BNC2: variants seen among roughly 807,000 people sequenced by gnomAD.
BNC2 encodes the protein zinc finger protein basonuclin-2.
In BNC2, 20 loss-of-function variants were observed where a neutral mutation model predicts 76.3. That is an observed-to-expected ratio of 0.26 (90% CI 0.18 to 0.38). The LOEUF (loss-of-function observed/expected upper bound fraction) is 0.38, where lower values mean the gene tolerates loss of function less well. Among genes scored for constraint, BNC2 ranks in the 10% least tolerant of loss-of-function variants. The pLI is 1.00. For synonymous variants in BNC2, 582 were observed against 514.8 expected (o/e 1.13, Z -1.77); for missense variants, 1,382 against 1,399.8 (o/e 0.99, Z 0.20).
intron 3 of BNC2, among the ~76,000 whole-genome samples, chr9:16,590,561 T>C: frequency 6.6e-6 from 1 of 151,722 alleles, no homozygotes; most frequent in East Asian, 2.0e-4. Context: ...ATGCCTGTAA[T>C]CTCAGCAATT....
intron 5 of BNC2, among the ~76,000 whole-genome samples, chr9:16,503,265 G>C (rs1822558809): frequency 6.6e-6 from 1 of 152,094 alleles, no homozygotes; most frequent in African/African-American, 2.4e-5. Context: ...GTATAGCCAA[G>C]AACGAGGATA....
At chr9:16,606,000 T>C (rs1820373598) in intron 3 of BNC2, among the ~76,000 whole-genome samples, 1 of 152,010 alleles carries the variant, frequency 6.6e-6, no homozygotes, top group Non-Finnish European at 1.5e-5. Flanking sequence ...CACCTTGGCC[T>C]CCCAAAGTGC....
At chr9:16,596,975 T>C (rs1309680384) in intron 3 of BNC2, among the ~76,000 whole-genome samples, 1 of 152,174 alleles carries the variant, frequency 6.6e-6, no homozygotes, top group Admixed American at 6.6e-5. Context: ...AAATGTGATC[T>C]ATCACCTCTC....
intron 3 of BNC2, among the ~76,000 whole-genome samples, chr9:16,648,796 G>A (rs1375672478): frequency 6.6e-6 from 1 of 152,118 alleles, no homozygotes; most frequent in Non-Finnish European, 1.5e-5. Flanking sequence ...AATTAACACA[G>A]CTTACTTAAC....
chr9:16,757,356 C>G (rs972619037), intron 1 of BNC2, among the ~76,000 whole-genome samples: 1 of 152,178 alleles, frequency 6.6e-6, no homozygotes, highest in East Asian at 1.9e-4. Context: ...TCTGAAGAAT[C>G]AGAACTCCCC....
At chr9:16,746,963 A>G (rs1472818068) in intron 1 of BNC2, among the ~76,000 whole-genome samples, 1 of 149,832 alleles carries the variant, frequency 6.7e-6, no homozygotes, top group East Asian at 2.0e-4. Context: ...CTCCATCTCA[A>G]AAAAAAAAAA....
intron 1 of BNC2, among the ~76,000 whole-genome samples, chr9:16,778,754 T>G (rs566402267): frequency 1.2e-4 from 18 of 152,228 alleles, no homozygotes; most frequent in African/African-American, 4.3e-4. Flanking sequence ...TGGTATAAGC[T>G]GAAATCTCAG....
chr9:16,433,219 C>T (rs927900778), intron 6 of BNC2, among the ~76,000 whole-genome samples: 25 of 152,110 alleles, frequency 1.6e-4, no homozygotes, highest in African/African-American at 5.6e-4. Context: ...TTGTGTGTTT[C>T]TAACCTAAGA....
intron 5 of BNC2, among the ~76,000 whole-genome samples, chr9:16,533,720 C>T (rs1818049908): frequency 1.3e-5 from 2 of 152,140 alleles, no homozygotes; most frequent in South Asian, 4.1e-4. Context: ...TTCAACATTA[C>T]TGCTATTTGT....
At chr9:16,665,951 G>T (rs1431283021) in intron 3 of BNC2, among the ~76,000 whole-genome samples, 1 of 151,890 alleles carries the variant, frequency 6.6e-6, no homozygotes. Context: ...GGACTTCCAG[G>T]ATTAAAAATA....
chr9:16,737,675 G>T (rs1369610567), intron 2 of BNC2, among the ~76,000 whole-genome samples: 1 of 151,798 alleles, frequency 6.6e-6, no homozygotes. Flanking sequence ...ATCGAAAAAT[G>T]TTGAAACAGA....
chr9:16,765,953 A>G (rs1825680093), intron 1 of BNC2, among the ~76,000 whole-genome samples: 1 of 151,698 alleles, frequency 6.6e-6, no homozygotes, highest in African/African-American at 2.4e-5. Flanking sequence ...CGCCTGGCTA[A>G]TTTTTTTGTA....
At chr9:16,610,856 TTTTAA>T (rs1820525462) in intron 3 of BNC2, among the ~76,000 whole-genome samples, 1 of 152,204 alleles carries the variant, frequency 6.6e-6, no homozygotes, top group Non-Finnish European at 1.5e-5. Flanking sequence ...TAAAAGAGTT[TTTTAA>T]TTTGTCATGA....
intron 2 of BNC2, among the ~76,000 whole-genome samples, chr9:16,728,641 G>A (rs987969081): frequency 1.3e-5 from 2 of 151,322 alleles, no homozygotes; most frequent in Non-Finnish European, 2.9e-5. Context: ...AAGTCATCTC[G>A]TATGTGCTGG....
At chr9:16,733,310 T>C (rs576679187) in intron 2 of BNC2, among the ~76,000 whole-genome samples, 1 of 152,312 alleles carries the variant, frequency 6.6e-6, no homozygotes, top group East Asian at 1.9e-4. Context: ...ACAGCAAGCT[T>C]TTTCCCTTGT....
intron 3 of BNC2, among the ~76,000 whole-genome samples, chr9:16,698,733 A>G (rs797000808): frequency 2.6e-5 from 4 of 152,276 alleles, no homozygotes; most frequent in African/African-American, 9.6e-5. Flanking sequence ...ATTTACGGAC[A>G]TGGAAAGATA....
chr9:16,661,245 C>CA (rs879280710), intron 3 of BNC2, among the ~76,000 whole-genome samples: 16 of 151,938 alleles, frequency 1.1e-4, no homozygotes, highest in Admixed American at 3.3e-4. Flanking sequence ...CATCTTCTAA[C>CA]AAAAAAACCC....
intron 3 of BNC2, among the ~76,000 whole-genome samples, chr9:16,663,826 A>C (rs1320548314): frequency 6.6e-6 from 1 of 152,250 alleles, no homozygotes; most frequent in Non-Finnish European, 1.5e-5. Context: ...ACATGAAAAC[A>C]GATTTTTCCA....
intron 1 of BNC2, among the ~76,000 whole-genome samples, chr9:16,757,541 A>G (rs759885519): frequency 2.2e-4 from 34 of 152,222 alleles, no homozygotes; most frequent in Non-Finnish European, 4.8e-4. Flanking sequence ...ATACTTCTTA[A>G]GACCTAACAC....
Sources: gnomAD v4.1 joint callset for allele counts (sites outside exome capture counted in the v4.1 genomes callset) on GRCh38, gnomAD v4.1.1 for gene constraint, MANE v1.5 for transcripts, NCBI Gene and HGNC (gene_info 2026-07-23, HGNC 2026-07-21) for gene names.